The following DPP6 variants were observed in gnomAD, a reference collection of about 807,000 sequenced individuals.
DPP6 encodes dipeptidyl peptidase like 6, also known as A-type potassium channel modulatory protein DPP6.
A neutral mutation model predicts 122.6 loss-of-function variants in DPP6; 69 were observed. The observed-to-expected ratio is 0.56, with a 90% CI of 0.46 to 0.69. The LOEUF (loss-of-function observed/expected upper bound fraction) is 0.69. DPP6 is among the 30% of genes least tolerant of loss of function. DPP6 has a pLI of 0.00. For missense variants in DPP6, 928 were observed against 1,116.9 expected, an observed-to-expected ratio of 0.83 and a Z score of 2.41; for synonymous variants, 418 against 433.1, an observed-to-expected ratio of 0.97 and a Z score of 0.43.
At position 154,639,749 on chromosome 7, in the gene DPP6, G is replaced by A. The variant is rs187705725; in HGVS notation, c.680+1876G>A. ...TATAGATGACCCCAACACGGAGGGA[G>A]CTGCTTCTGGTGTCTTTAATGGAAT... On this transcript the variant is annotated intron_variant, in intron 6 of 25. Transcript: ENST00000377770. Among the ~76,000 whole-genome samples the A allele has an allele frequency of 3.3e-5, 5 of 152,294 alleles. No homozygotes were observed. The East Asian group carries it at 9.6e-4, about 29-fold the overall frequency.
At chr7:154,101,725 G>A (rs1157346118) in intron 1 of DPP6, among the ~76,000 whole-genome samples, 2 of 151,406 alleles carry the variant, frequency 1.3e-5, no homozygotes, top group Non-Finnish European at 2.9e-5. Context: ...GTCAGGAGTT[G>A]TAGACAAGCC....
chr7:154,655,951 G>T (rs1241522065), intron 6 of DPP6, among the ~76,000 whole-genome samples: 1 of 152,108 alleles, frequency 6.6e-6, no homozygotes, highest in Non-Finnish European at 1.5e-5. Context: ...AGGGACATTC[G>T]CTTCCTAGGG....
chr7:154,036,609 C>T (rs2129056696), intron 1 of DPP6, among the ~76,000 whole-genome samples: 1 of 151,914 alleles, frequency 6.6e-6, no homozygotes, highest in Non-Finnish European at 1.5e-5. Context: ...GCACATCATA[C>T]CCTGGGCATT....
intron 1 of DPP6, among the ~76,000 whole-genome samples, chr7:154,352,944 A>G (rs1425656570): frequency 6.6e-6 from 1 of 152,242 alleles, no homozygotes; most frequent in African/African-American, 2.4e-5. Flanking sequence ...AGTCCTGACC[A>G]ATTTGCTTCT....
At chr7:154,140,398 T>C (rs1222667931) in intron 1 of DPP6, among the ~76,000 whole-genome samples, 2 of 152,236 alleles carry the variant, frequency 1.3e-5, no homozygotes, top group African/African-American at 4.8e-5. Flanking sequence ...CACTATAGTA[T>C]AGTTCATGCC....
chr7:154,326,332 G>A (rs990281707), intron 1 of DPP6, among the ~76,000 whole-genome samples: 4 of 152,118 alleles, frequency 2.6e-5, no homozygotes, highest in African/African-American at 4.8e-5. Flanking sequence ...CCACGTCTTG[G>A]TGGTTCCTTA....
intron 1 of DPP6, among the ~76,000 whole-genome samples, chr7:153,911,803 G>A (rs772048493): frequency 6.6e-6 from 1 of 152,140 alleles, no homozygotes; most frequent in Non-Finnish European, 1.5e-5. Context: ...ATGCTGTTAG[G>A]TTTTGTCACC....
At chr7:154,120,504 A>G (rs1304599480) in intron 1 of DPP6, among the ~76,000 whole-genome samples, 1 of 152,098 alleles carries the variant, frequency 6.6e-6, no homozygotes, top group Admixed American at 6.6e-5. Context: ...TCAGCCTCCC[A>G]AAGTGCTGGG....
intron 5 of DPP6, among the ~76,000 whole-genome samples, chr7:154,594,814 C>T (rs1832995140): frequency 6.6e-6 from 1 of 152,168 alleles, no homozygotes; most frequent in Non-Finnish European, 1.5e-5. Flanking sequence ...AATTCTAGAT[C>T]TGACCTAGAC....
intron 1 of DPP6, among the ~76,000 whole-genome samples, chr7:154,307,172 T>A (rs1806422508): frequency 2.0e-5 from 3 of 152,146 alleles, no homozygotes. Flanking sequence ...CCTGTACAAA[T>A]TTGCTCTTAT....
intron 1 of DPP6, among the ~76,000 whole-genome samples, chr7:153,984,053 AACACACAC>A (rs528640069): frequency 0.053 from 7,042 of 131,956 alleles, 260 homozygotes; most frequent in Middle Eastern, 0.13. Flanking sequence ...TTCTGTCCAT[AACACACAC>A]ACACACACAC....
chr7:153,761,374 T>A, the DPP6 span, among the ~76,000 whole-genome samples: 1 of 152,250 alleles, frequency 6.6e-6, no homozygotes, highest in Admixed American at 6.5e-5. Context: ...ATATATTGAA[T>A]AAGTTAAATA....
the DPP6 span, among the ~76,000 whole-genome samples, chr7:153,804,824 C>T: frequency 6.6e-6 from 1 of 151,894 alleles, no homozygotes; most frequent in Non-Finnish European, 1.5e-5. Flanking sequence ...GCAGAGGTTG[C>T]AGTGAGCCGA....
chr7:154,722,199 A>G (rs1413932457), intron 7 of DPP6, among the ~76,000 whole-genome samples: 3 of 152,190 alleles, frequency 2.0e-5, no homozygotes, highest in Non-Finnish European at 4.4e-5. Flanking sequence ...TGCCTTCCAA[A>G]AACAACAACA....
At chr7:154,212,706 C>T (rs531062614) in intron 1 of DPP6, among the ~76,000 whole-genome samples, 108 of 152,200 alleles carry the variant, frequency 7.1e-4, no homozygotes, top group African/African-American at 2.5e-3. Flanking sequence ...TTGTTGAGGA[C>T]CTAATATGTA....
At chr7:154,788,503 AAC>A (rs1797475633) in intron 10 of DPP6, among the ~76,000 whole-genome samples, 2 of 152,306 alleles carry the variant, frequency 1.3e-5, no homozygotes, top group East Asian at 3.9e-4. Context: ...TTGTTAAAAA[AAC>A]ACATTGAAAT....
chr7:153,854,058 A>G, the DPP6 span, among the ~76,000 whole-genome samples: 18,213 of 144,938 alleles, frequency 0.13, 1,252 homozygotes, highest in African/African-American at 0.17. Context: ...TCAGCTTCCT[A>G]CATATGGCTA....
intron 7 of DPP6, among the ~76,000 whole-genome samples, chr7:154,713,155 G>A (rs146055287): frequency 1.1e-4 from 17 of 152,352 alleles, no homozygotes; most frequent in South Asian, 6.2e-4. Flanking sequence ...TGTGTTTCAC[G>A]TCTAGGTCAT....
intron 1 of DPP6, among the ~76,000 whole-genome samples, chr7:153,951,783 C>T (rs201273453): frequency 6.6e-6 from 1 of 152,206 alleles, no homozygotes; most frequent in Non-Finnish European, 1.5e-5. Context: ...TGGCTTACAC[C>T]TCTAATCCTG....
Sources: allele counts gnomAD v4.1 joint callset (sites outside exome capture counted in the v4.1 genomes callset), GRCh38; gene constraint gnomAD v4.1.1; transcripts MANE v1.5; gene names NCBI Gene and HGNC (gene_info 2026-07-23, HGNC 2026-07-21).